Variants in CNTRL observed in about 807,000 individuals in gnomAD.
The protein encoded by CNTRL is 110 kDa centrosomal protein.
A neutral mutation model predicts 303.7 loss-of-function variants in CNTRL; 233 were observed. The ratio of observed to expected loss-of-function variants is 0.77; its 90% CI spans 0.69 to 0.86. CNTRL has a LOEUF of 0.86. Among genes scored for constraint, CNTRL ranks in the 40% least tolerant of loss-of-function variants. CNTRL has a pLI of 0.00. For synonymous variants in CNTRL, 900 were observed against 922.2 expected (o/e 0.98, Z 0.44); for missense variants, 2,524 against 2,650.6 (o/e 0.95, Z 1.05).
Position 121,139,344 on chromosome 9 carries a change from C to T in CNTRL, c.2337+665C>T, listed in dbSNP as rs142708176. On this transcript the variant is annotated intron_variant, in intron 16 of 43. Transcript: ENST00000373855. ...TCCAAATCTGTGAGGTTGCGGGCCT[C>T]TTGGCTGGCTGAGATGGTAGCTGTT... Among the ~76,000 whole-genome samples the T allele has an allele frequency of 1.4e-3, 208 of 152,226 alleles. 2 individuals carry two copies. Among genetic ancestry groups the T allele is most frequent in the African/African-American group, 4.6e-3 (190 of 41,526 alleles).
At chr9:121,138,382 A>G (rs2051312005) in intron 15 of CNTRL, among the ~76,000 whole-genome samples, 163 bp from the exon 16 acceptor site, 1 of 152,208 alleles carries the variant, frequency 6.6e-6, no homozygotes, top group Non-Finnish European at 1.5e-5. Flanking sequence ...ATTGTGTGAA[A>G]AAATTATCTT....
intron 2 of CNTRL, among the ~76,000 whole-genome samples, chr9:121,081,244 T>C (rs1012608816): frequency 3.3e-5 from 5 of 152,198 alleles, no homozygotes. Flanking sequence ...TGTGAAGTTA[T>C]ATTATCTTTT....
chr9:121,134,911 T>G (rs2051098084), intron 14 of CNTRL, among the ~76,000 whole-genome samples: 1 of 152,228 alleles, frequency 6.6e-6, no homozygotes, highest in Non-Finnish European at 1.5e-5. Flanking sequence ...TCTTAAAGAT[T>G]TGTAGGAATT....
intron 35 of CNTRL, among the ~76,000 whole-genome samples, chr9:121,165,318 T>TA (rs34558172): frequency 1.4e-4 from 21 of 149,590 alleles, no homozygotes; most frequent in African/African-American, 2.7e-4. Flanking sequence ...TAAAGTCAGT[T>TA]AAAAAAAAAA....
intron 23 of CNTRL, among the ~76,000 whole-genome samples, chr9:121,148,099 A>G (rs2051989617): frequency 6.6e-6 from 1 of 152,230 alleles, no homozygotes; most frequent in South Asian, 2.1e-4. Flanking sequence ...CCACTAGGAA[A>G]AATGACTACA....
chr9:121,141,473 A>G lies in CNTRL; in HGVS notation c.2576A>G (p.Asp859Gly), dbSNP rs759449709. 1 of 1,614,094 alleles carries G rather than the reference A, an allele frequency of 6.2e-7. No individual in the cohort carries two copies. Among genetic ancestry groups the G allele is most frequent in the South Asian group, 1.1e-5 (1 of 91,086 alleles). The change falls in exon 18 of 44, where the codon GAT (aspartate) becomes GGT (glycine). Residue 859 changes from aspartate (D) to glycine (G), a missense_variant. By Grantham distance (94) the Asp-to-Gly change is moderately conservative. Coordinates refer to ENST00000373855, the MANE Select transcript of CNTRL (RefSeq NM_007018.6). ...EILARSKWER[D>G]EAQVRERKLQ... Reference sequence around the variant, plus strand: ...CTTGCACGCTCCAAGTGGGAAAGAGATGAAGCACAAGTTAGAGAGAGAAAA... The same window carrying G: ...CTTGCACGCTCCAAGTGGGAAAGAGGTGAAGCACAAGTTAGAGAGAGAAAA...
At position 121,092,717 on chromosome 9, in the gene CNTRL, ATATC is replaced by A. The variant is rs1269470405; in HGVS notation, c.349-2167_349-2164del. ...TAATATATATCTATATATATAATAT[ATATC>A]TATATATATATAATATATATCTATA... On this transcript the variant is annotated intron_variant, in intron 4 of 43. Transcript: ENST00000373855. 3.9e-5 allele frequency among the ~76,000 whole-genome samples: 2 copies of A among 51,728 alleles called. 1 individual carries two copies. The highest frequency in any genetic ancestry group is 7.0e-5 in the Non-Finnish European group (2 of 28,552). 33.9% of individuals were successfully genotyped at this position (51,728 alleles called of 152,430 possible).
intron 19 of CNTRL, among the ~76,000 whole-genome samples, 175 bp downstream of exon 19, chr9:121,142,445 A>G (rs1360845508): frequency 3.9e-5 from 6 of 152,208 alleles, no homozygotes; most frequent in African/African-American, 1.4e-4. Context: ...TCAAGAAGCT[A>G]AGACCATGTG....
intron 4 of CNTRL, among the ~76,000 whole-genome samples, chr9:121,091,456 A>G (rs2048566615): frequency 6.6e-6 from 1 of 152,226 alleles, no homozygotes. Flanking sequence ...AGCAAATACT[A>G]ACCCTAGTAC....
intron 32 of CNTRL, chr9:121,161,216 T>G: frequency 7.2e-6 from 3 of 417,242 alleles, no homozygotes; most frequent in Non-Finnish European, 4.5e-6. Context: ...GTAAAAGTGA[T>G]TTGGGGTGGT....
rs2051779411 is a variant in CNTRL, at chr9:121,145,280, G to A, written c.3205G>A (p.Gly1069Arg). 1.2e-6 allele frequency: 2 copies of A among 1,613,746 alleles called. No individual in the cohort carries two copies. The highest frequency in any genetic ancestry group is 1.7e-6 in the Non-Finnish European group (2 of 1,179,916). Residue 1069 changes from glycine (G) to arginine (R), a missense_variant, in exon 22 of 44, where the codon GGA becomes AGA. Coordinates refer to ENST00000373855, the MANE Select transcript of CNTRL (RefSeq NM_007018.6). ...LEMEKTGVGT[G>R]ANSQVLEIEK... is the part of the protein sequence containing the mutation. ...GATGGAGAAAACAGGTGTAGGTACT[G>A]GAGCAAACTCACAGGTCCTAGAAAT...
intron 11 of CNTRL, among the ~76,000 whole-genome samples, chr9:121,118,123 G>T (rs1021108039): frequency 3.3e-5 from 5 of 151,858 alleles, no homozygotes; most frequent in Non-Finnish European, 5.9e-5. Context: ...GCTTATTTGT[G>T]CTTGCTATTA....
At chr9:121,088,002 G>A (rs956901617) in intron 2 of CNTRL, among the ~76,000 whole-genome samples, 2 of 152,152 alleles carry the variant, frequency 1.3e-5, no homozygotes, top group East Asian at 1.9e-4. Context: ...CTAGGACCCC[G>A]TTATGTGGGT....
At chr9:121,113,467 C>G (rs1205069765) in intron 9 of CNTRL, 35 bp from the exon 10 acceptor site, 1 of 1,231,188 alleles carries the variant, frequency 8.1e-7, no homozygotes, top group Non-Finnish European at 1.1e-6. Flanking sequence ...TTGGAGATCA[C>G]TTATTAAACC....
chr9:121,102,892 T>C (rs2049255920), intron 7 of CNTRL, among the ~76,000 whole-genome samples: 1 of 151,976 alleles, frequency 6.6e-6, no homozygotes, highest in African/African-American at 2.4e-5. Flanking sequence ...CTCAACGAAA[T>C]AAAAGAGGAC....
intron 14 of CNTRL, among the ~76,000 whole-genome samples, chr9:121,133,232 G>A (rs982589866): frequency 5.3e-5 from 8 of 152,230 alleles, no homozygotes; most frequent in Admixed American, 5.2e-4. Flanking sequence ...GTTCAGCTAT[G>A]CCCTGCTCCT....
Position 121,138,625 on chromosome 9 carries a change from A to G in CNTRL, c.2283A>G (p.Ser761=). 1.2e-6 allele frequency: 2 copies of G among 1,614,028 alleles called. No homozygotes were observed. The highest frequency in any genetic ancestry group is 1.1e-5 in the South Asian group (1 of 91,080). The stretch of plus-strand genomic sequence containing the variant: ...ATGCCCTTGGAAAAGCCCAGTTCTC[A>G]GAAGAAAAGGAGCAAGAGAACAGTG... The part of the protein sequence containing the change: ...LKNALGKAQF[S]EEKEQENSEL... The change falls in exon 16 of 44, where the codon TCA becomes TCG. Residue 761 remains serine, a synonymous_variant. Transcript: ENST00000373855.
chr9:121,172,610 C>G (rs952185075), intron 40 of CNTRL, among the ~76,000 whole-genome samples: 6 of 152,138 alleles, frequency 3.9e-5, no homozygotes, highest in African/African-American at 1.4e-4. Flanking sequence ...CACCGCCCTC[C>G]AGCCTGGGTG....
rs781764867 is a variant in CNTRL, at chr9:121,141,538, A to G, written c.2641A>G (p.Thr881Ala). ...GGCTCTGCAGCAAGAGAAACTGGCA[A>G]CTGGACAAGAAGAGTTCAGGCAGGC... ...EMALQQEKLA[T>A]GQEEFRQACE... The change falls in exon 18 of 44, where the codon ACT becomes GCT. Residue 881 changes from threonine to alanine, a missense_variant. Thr to Ala is a moderately conservative substitution (Grantham distance 58). Coordinates refer to ENST00000373855, the MANE Select transcript of CNTRL (RefSeq NM_007018.6). 3 of 1,614,168 alleles carry G rather than the reference A, an allele frequency of 1.9e-6. No individual in the cohort carries two copies. The highest frequency in any genetic ancestry group is 8.5e-7 in the Non-Finnish European group (1 of 1,180,002).
Sources: gnomAD v4.1 joint callset for allele counts (sites outside exome capture counted in the v4.1 genomes callset) on GRCh38, gnomAD v4.1.1 for gene constraint, MANE v1.5 for transcripts, NCBI Gene and HGNC (gene_info 2026-07-23, HGNC 2026-07-21) for gene names.